KCNC2: variants seen among roughly 807,000 people sequenced by gnomAD.
KCNC2 encodes the protein voltage-gated potassium channel KCNC2.
Under a neutral mutation model 44.5 loss-of-function variants are expected in KCNC2, and 21 were observed. The ratio of observed to expected loss-of-function variants is 0.47; its 90% CI spans 0.33 to 0.68. KCNC2 has a LOEUF of 0.68. Among genes scored for constraint, KCNC2 ranks in the 30% least tolerant of loss-of-function variants. The pLI, the probability that KCNC2 is intolerant of heterozygous loss-of-function variation, is 0.01. For missense variants in KCNC2, 589 were observed against 826.2 expected (o/e 0.71, Z 3.52); for synonymous variants, 391 against 339.1 (o/e 1.15, Z -1.68).
chr12:75,109,066 G>C (rs890488318), intron 2 of KCNC2, among the ~76,000 whole-genome samples: 1 of 152,144 alleles, frequency 6.6e-6, no homozygotes, highest in African/African-American at 2.4e-5. Flanking sequence ...CAGTGGGCAG[G>C]CTGCTTATGT....
intron 2 of KCNC2, among the ~76,000 whole-genome samples, chr12:75,110,012 A>G (rs139705865): frequency 6.7e-4 from 102 of 152,276 alleles, no homozygotes; most frequent in Middle Eastern, 6.8e-3. Context: ...ATATAAAAAA[A>G]TCATGGGAGT....
intron 2 of KCNC2, among the ~76,000 whole-genome samples, chr12:75,178,658 A>G (rs1375628889): frequency 6.6e-6 from 1 of 151,952 alleles, no homozygotes; most frequent in Non-Finnish European, 1.5e-5. Context: ...TCAAAACAAT[A>G]ACAAAAGTAC....
chr12:75,131,887 C>T (rs1888872083), intron 2 of KCNC2, among the ~76,000 whole-genome samples: 1 of 152,132 alleles, frequency 6.6e-6, no homozygotes, highest in African/African-American at 2.4e-5. Flanking sequence ...GGAAGGAATA[C>T]CGTTGAGCCA....
chr12:75,118,407 G>T (rs867482060), intron 2 of KCNC2, among the ~76,000 whole-genome samples: 2 of 151,992 alleles, frequency 1.3e-5, no homozygotes, highest in African/African-American at 4.8e-5. Context: ...AGACAATAAG[G>T]TGGGTGGCAG....
chr12:75,190,958 A>G (rs1267884198), intron 2 of KCNC2, among the ~76,000 whole-genome samples: 1 of 152,050 alleles, frequency 6.6e-6, no homozygotes, highest in African/African-American at 2.4e-5. Context: ...AACTAAGACA[A>G]TAAGTTTAAA....
At chr12:75,150,098 G>A (rs1334535788) in intron 2 of KCNC2, among the ~76,000 whole-genome samples, 1 of 151,812 alleles carries the variant, frequency 6.6e-6, no homozygotes, top group African/African-American at 2.4e-5. Context: ...TCTATCCAGA[G>A]CCTGCTATAA....
intron 2 of KCNC2, among the ~76,000 whole-genome samples, chr12:75,101,251 T>A (rs1886348264): frequency 6.6e-6 from 1 of 152,078 alleles, no homozygotes; most frequent in African/African-American, 2.4e-5. Context: ...GGCAGTTTGC[T>A]TGATAAAAAA....
intron 2 of KCNC2, among the ~76,000 whole-genome samples, chr12:75,106,481 A>T (rs1886793410): frequency 6.6e-6 from 1 of 152,210 alleles, no homozygotes; most frequent in Non-Finnish European, 1.5e-5. Flanking sequence ...GGTGTCACTA[A>T]GGAAATGAGA....
chr12:75,163,519 A>C (rs1891254735), intron 2 of KCNC2, among the ~76,000 whole-genome samples: 1 of 151,770 alleles, frequency 6.6e-6, no homozygotes, highest in Non-Finnish European at 1.5e-5. Flanking sequence ...ACAGTTAAAG[A>C]CTGCTAAGCA....
chr12:75,048,348 A>G, intron 3 of KCNC2, 31 bp from the exon 4 acceptor site: 1 of 1,576,282 alleles, frequency 6.3e-7, no homozygotes, highest in Non-Finnish European at 8.6e-7. Flanking sequence ...ATTGACAGAC[A>G]GTGATGAATG....
intron 2 of KCNC2, among the ~76,000 whole-genome samples, chr12:75,128,253 C>A (rs532187700): frequency 4.1e-4 from 63 of 152,144 alleles, no homozygotes; most frequent in Middle Eastern, 3.4e-3. Flanking sequence ...CTTAACTGGC[C>A]AGCCTCACAT....
chr12:75,164,641 G>T (rs1007803547), intron 2 of KCNC2, among the ~76,000 whole-genome samples: 3 of 151,602 alleles, frequency 2.0e-5, no homozygotes, highest in Admixed American at 2.0e-4. Flanking sequence ...CTTCAAGGCG[G>T]ACATGAATGT....
chr12:75,169,641 T>C (rs544772392), intron 2 of KCNC2, among the ~76,000 whole-genome samples: 74 of 151,662 alleles, frequency 4.9e-4, no homozygotes, highest in Non-Finnish European at 9.3e-4. Flanking sequence ...AAAAACCTAT[T>C]TCAAAATTGT....
rs145859872 is a variant in KCNC2 at position 75,113,461 on chromosome 12, G to T, written c.688-62144C>A. Among the ~76,000 whole-genome samples, 88 of 152,152 alleles carry T rather than the reference G, an allele frequency of 5.8e-4. No individual in the cohort carries two copies. In the East Asian group the frequency reaches 0.013, roughly 23 times the overall value. ...TTTCAGAAAAAAATAAAAGGAAAAT[G>T]AAAATAGAGAATTCTCTTCAGTATC... On this transcript the variant is annotated intron_variant, in intron 2 of 4. Coordinates refer to ENST00000549446, the MANE Select transcript of KCNC2 (RefSeq NM_139137.4).
chr12:75,138,285 ATTGT>A (rs1186968289), intron 2 of KCNC2, among the ~76,000 whole-genome samples: 3 of 152,118 alleles, frequency 2.0e-5, no homozygotes, highest in Non-Finnish European at 1.5e-5. Context: ...TCTACCACTG[ATTGT>A]TCTCACTTTC....
chr12:75,098,261 C>G (rs562419518), intron 2 of KCNC2, among the ~76,000 whole-genome samples: 12 of 151,970 alleles, frequency 7.9e-5, no homozygotes, highest in Non-Finnish European at 1.5e-4. Flanking sequence ...CATGAACAGC[C>G]CTTAAGTACT....
intron 2 of KCNC2, among the ~76,000 whole-genome samples, chr12:75,186,664 A>G (rs974826209): frequency 2.6e-5 from 4 of 152,228 alleles, no homozygotes; most frequent in African/African-American, 7.2e-5. Flanking sequence ...AATTTTGCCA[A>G]TTACAAAGAC....
chr12:75,070,493 T>C (rs1486007244), intron 2 of KCNC2, among the ~76,000 whole-genome samples: 1 of 150,626 alleles, frequency 6.6e-6, no homozygotes, highest in Non-Finnish European at 1.5e-5. Context: ...AAGCATAATA[T>C]TAAAAAAATG....
Position 75,048,272 on chromosome 12 carries a change from G to T in KCNC2, c.1661C>A (p.Pro554His). 1.2e-6 allele frequency: 2 copies of T among 1,612,830 alleles called. No homozygotes were observed. The highest frequency in any genetic ancestry group is 1.7e-6 in the Non-Finnish European group (2 of 1,179,274). Residue 554 changes from proline (P) to histidine (H), a missense_variant, in exon 4 of 5, where the codon CCC becomes CAC. Transcript: ENST00000549446. ...DSTGSEPPLSPPERLPIRRSS... is the reference protein window; with the variant it reads ...DSTGSEPPLSHPERLPIRRSS... ...GCGTCTGATGGGGAGCCTTTCTGGG[G>T]GTGATAGTGGCGGCTCACTTCCTGT...
Sources: allele counts gnomAD v4.1 joint callset (sites outside exome capture counted in the v4.1 genomes callset), GRCh38; gene constraint gnomAD v4.1.1; transcripts MANE v1.5; gene names NCBI Gene and HGNC (gene_info 2026-07-23, HGNC 2026-07-21).